Variants in CTNNA2 observed in about 807,000 individuals in gnomAD.
The protein encoded by CTNNA2 is catenin alpha-2.
In CTNNA2, 42 loss-of-function variants were observed where a neutral mutation model predicts 101.0. That is an observed-to-expected ratio of 0.42 (90% CI 0.32 to 0.54). The LOEUF (loss-of-function observed/expected upper bound fraction) is 0.54. Among genes scored for constraint, CTNNA2 ranks in the 20% least tolerant of loss-of-function variants. The probability of loss-of-function intolerance (pLI) is 0.14; values close to 1 mark genes in which losing one functional copy is unlikely to be tolerated. For synonymous variants in CTNNA2, 450 were observed against 456.4 expected (o/e 0.99, Z 0.18); for missense variants, 871 against 1,223.1 (o/e 0.71, Z 4.29).
chr2:80,021,792 T>C (rs1050043006), intron 7 of CTNNA2, among the ~76,000 whole-genome samples: 12 of 152,166 alleles, frequency 7.9e-5, no homozygotes, highest in Non-Finnish European at 2.9e-5. Flanking sequence ...CACCGTGTTA[T>C]ATAATACATC....
At chr2:79,982,208 AT>A (rs1446128836) in intron 7 of CTNNA2, among the ~76,000 whole-genome samples, 1 of 27,838 alleles carries the variant, frequency 3.6e-5, no homozygotes, top group African/African-American at 1.5e-4. Flanking sequence ...ATATATATAT[AT>A]ATATATATAT....
At chr2:80,487,433 G>A (rs148904063) in intron 9 of CTNNA2, among the ~76,000 whole-genome samples, 2,927 of 152,160 alleles carry the variant, frequency 0.019, 82 homozygotes, top group African/African-American at 0.059. Flanking sequence ...GGGCTGGGGA[G>A]GCCTCAGAAA....
In CTNNA2 at chr2:80,302,575, G is replaced by A. The variant is rs1285208975; in HGVS notation, c.1057-90636G>A. 2 of 1,607,150 alleles carry A rather than the reference G, an allele frequency of 1.2e-6. No individual in the cohort carries two copies. Among genetic ancestry groups the A allele is most frequent in the East Asian group, 2.2e-5 (1 of 44,838 alleles). ...GCACGGCGTTCTCGGCGTGCTCGCC[G>A]CCTGGAAGAGCCACGGTGGCAGGCT... On this transcript the variant is annotated intron_variant, in intron 7 of 18. Transcript: ENST00000402739. The surrounding 1 kb of genome is among the most constrained non-coding windows in gnomAD (Gnocchi z 6.4).
At chr2:79,918,577 C>A (rs965663640) in intron 7 of CTNNA2, among the ~76,000 whole-genome samples, 2 of 152,182 alleles carry the variant, frequency 1.3e-5, no homozygotes, top group Admixed American at 6.5e-5. Flanking sequence ...AACAAAAACA[C>A]CTTATCCTCT....
chr2:79,832,970 T>C (rs906229024), intron 3 of CTNNA2, among the ~76,000 whole-genome samples: 25 of 152,294 alleles, frequency 1.6e-4, no homozygotes, highest in African/African-American at 6.0e-4. Flanking sequence ...TCTTAGAAAA[T>C]GAAACTGATT....
chr2:79,753,302 C>T (rs575658478), intron 3 of CTNNA2, among the ~76,000 whole-genome samples: 15 of 152,182 alleles, frequency 9.9e-5, no homozygotes, highest in Admixed American at 3.9e-4. Context: ...TGTTCACATA[C>T]GGTAGTCAGT....
intron 9 of CTNNA2, among the ~76,000 whole-genome samples, chr2:80,473,217 C>A (rs559425758): frequency 1.3e-5 from 2 of 152,134 alleles, no homozygotes; most frequent in South Asian, 2.1e-4. Flanking sequence ...GGCTCCTCAG[C>A]GATTGAGCTG....
intron 7 of CTNNA2, among the ~76,000 whole-genome samples, chr2:80,207,842 T>C (rs900359051): frequency 9.9e-5 from 15 of 152,006 alleles, no homozygotes; most frequent in African/African-American, 3.6e-4. Context: ...AATAGAATTC[T>C]GGGGAGCAGC....
In CTNNA2 at chr2:80,378,444, T is replaced by TACACACAC. The variant is rs3040572; in HGVS notation, c.1057-14747_1057-14740dup. On this transcript the variant is annotated intron_variant, in intron 7 of 18. Transcript: ENST00000402739. ...CATAATGTCACATGAACTTGCAGTA[T>TACACACAC]ACACACACACACACACACACACACA... Among the ~76,000 whole-genome samples, 44 of 147,898 alleles carry TACACACAC rather than the reference T, an allele frequency of 3.0e-4. 1 individual carries two copies. Among genetic ancestry groups the TACACACAC allele is most frequent in the African/African-American group, 1.1e-3 (43 of 40,370 alleles).
At chr2:79,521,296 A>G (rs1037548627) in intron 1 of CTNNA2, among the ~76,000 whole-genome samples, 9 of 151,672 alleles carry the variant, frequency 5.9e-5, no homozygotes, top group African/African-American at 2.2e-4. Context: ...TGCTTTCTAC[A>G]TTTCTCTTGT....
chr2:79,997,769 A>G (rs1235772185), intron 7 of CTNNA2, among the ~76,000 whole-genome samples: 1 of 152,200 alleles, frequency 6.6e-6, no homozygotes, highest in Admixed American at 6.5e-5. Context: ...TGTTAGTGTG[A>G]CTTCATTTTG....
chr2:80,578,501 G>A (rs749907884), intron 13 of CTNNA2, among the ~76,000 whole-genome samples: 6 of 152,094 alleles, frequency 3.9e-5, no homozygotes, highest in Non-Finnish European at 8.8e-5. Context: ...AGCACTCATA[G>A]TTTTAAAAAT....
chr2:79,646,924 G>T (rs971885055), intron 1 of CTNNA2, among the ~76,000 whole-genome samples: 1 of 152,094 alleles, frequency 6.6e-6, no homozygotes, highest in East Asian at 1.9e-4. Context: ...AGACAAACTT[G>T]TTGTCTTTTG....
At chr2:79,863,618 G>A (rs942515011) in intron 4 of CTNNA2, among the ~76,000 whole-genome samples, 10 of 152,172 alleles carry the variant, frequency 6.6e-5, no homozygotes, top group African/African-American at 2.4e-4. Context: ...ACTAATAGCA[G>A]TTTGGAATAA....
chr2:79,481,036 T>G (rs114814075), intron 4 of CTNNA2, among the ~76,000 whole-genome samples: 3,374 of 152,202 alleles, frequency 0.022, 115 homozygotes, highest in African/African-American at 0.077. Flanking sequence ...ATCTTTTATT[T>G]CAATGGAAAT....
intron 4 of CTNNA2, among the ~76,000 whole-genome samples, chr2:79,469,340 A>G (rs1162670639): frequency 3.3e-5 from 5 of 152,192 alleles, no homozygotes; most frequent in Admixed American, 3.3e-4. Flanking sequence ...AAGAAGTTCA[A>G]TCTCTGAATA....
intron 9 of CTNNA2, among the ~76,000 whole-genome samples, chr2:80,425,040 C>T (rs779062464): frequency 6.6e-6 from 1 of 152,176 alleles, no homozygotes; most frequent in Non-Finnish European, 1.5e-5. Context: ...TTCTTTCTGA[C>T]TTCTCAGATT....
chr2:80,442,722 A>C (rs183381225), intron 9 of CTNNA2, among the ~76,000 whole-genome samples: 63 of 152,314 alleles, frequency 4.1e-4, no homozygotes, highest in African/African-American at 1.5e-3. Context: ...CAAGAGAATA[A>C]TTGAATGAAT....
intron 4 of CTNNA2, among the ~76,000 whole-genome samples, chr2:79,458,972 A>G (rs1670851555): frequency 6.6e-6 from 1 of 152,080 alleles, no homozygotes; most frequent in South Asian, 2.1e-4. Context: ...TGACACTCCA[A>G]TTCTTTCCCA....
Sources: gnomAD v4.1 joint callset for allele counts (sites outside exome capture counted in the v4.1 genomes callset) on GRCh38, gnomAD v4.1.1 for gene constraint, Gnocchi (gnomAD v3.1) non-coding constraint, MANE v1.5 for transcripts, NCBI Gene and HGNC (gene_info 2026-07-23, HGNC 2026-07-21) for gene names.